Variants in DCAF7 observed in about 807,000 individuals in gnomAD.
The protein encoded by DCAF7 is DDB1- and CUL4-associated factor 7.
In DCAF7, 4 loss-of-function variants were observed where a neutral mutation model predicts 41.2. That is an observed-to-expected ratio of 0.10 (90% CI 0.05 to 0.22). The LOEUF (loss-of-function observed/expected upper bound fraction) is 0.22. Among genes scored for constraint, DCAF7 ranks in the 10% least tolerant of loss-of-function variants. The pLI is 1.00. For missense variants in DCAF7, 131 were observed against 443.2 expected, an observed-to-expected ratio of 0.30 and a Z score of 6.32; for synonymous variants, 143 against 164.2, an observed-to-expected ratio of 0.87 and a Z score of 0.99.
intron 1 of DCAF7, among the ~76,000 whole-genome samples, chr17:63,554,233 G>A (rs754886742): frequency 2.8e-4 from 42 of 152,180 alleles, no homozygotes; most frequent in Admixed American, 2.2e-3. Context: ...TGGTTATTAT[G>A]TTTCTACCTT....
At chr17:63,575,687 G>A (rs1307742218) in intron 1 of DCAF7, among the ~76,000 whole-genome samples, 1 of 151,706 alleles carries the variant, frequency 6.6e-6, no homozygotes, top group Non-Finnish European at 1.5e-5. Context: ...GACTCTGTCT[G>A]AAAAAAAAGA....
chr17:63,579,562 G>T (rs747360953), intron 3 of DCAF7, 114 bp downstream of exon 3: 1 of 755,014 alleles, frequency 1.3e-6, no homozygotes, highest in African/African-American at 1.8e-5. Flanking sequence ...TAGGCTAGGC[G>T]TGGAATGTGG....
rs572453308 is a variant in DCAF7 at position 63,585,327 on chromosome 17, A to C, written c.855A>C (p.Ala285=). Reference sequence around the variant, plus strand: ...ATTCATCCTGCCACATCTGCACTGCAGGTAATCATGGTGGGGAGAAAGAAA... The same window carrying C: ...ATTCATCCTGCCACATCTGCACTGCCGGTAATCATGGTGGGGAGAAAGAAA... ...APHSSCHICT[A]ADDHQALIWD... Residue 285 remains alanine (A), a splice_region_variant and synonymous_variant, in exon 6 of 7, where the codon GCA becomes GCC. Transcript: ENST00000614556. 3.3e-4 allele frequency: 531 copies of C among 1,612,414 alleles called. 5 individuals are homozygous for C. The South Asian group carries it at 5.0e-3, about 15-fold the overall frequency.
chr17:63,582,626 ACT>A (rs1031408753), intron 4 of DCAF7, among the ~76,000 whole-genome samples: 3 of 151,228 alleles, frequency 2.0e-5, no homozygotes, highest in Non-Finnish European at 4.4e-5. Context: ...CAGACACCAC[ACT>A]CAGCTAATTT....
chr17:63,552,892 C>G (rs1481150758), intron 1 of DCAF7, among the ~76,000 whole-genome samples: 1 of 152,160 alleles, frequency 6.6e-6, no homozygotes, highest in African/African-American at 2.4e-5. Flanking sequence ...AACTAATAAC[C>G]CCACTATCAA....
chr17:63,585,042 C>T lies in DCAF7; in HGVS notation c.739-169C>T, dbSNP rs535272591. ...CTCAAGATAGAGACTATCAACTACC[C>T]GTGTCCTTTGTCTTCTTTTCCCTCA... On this transcript the variant is annotated intron_variant, in intron 5 of 6. Coordinates refer to ENST00000614556, the MANE Select transcript of DCAF7 (RefSeq NM_005828.5). Among the ~76,000 whole-genome samples, 147 of 152,304 alleles carry T rather than the reference C, an allele frequency of 9.7e-4. 2 individuals are homozygous for T. The highest frequency in any genetic ancestry group is 3.0e-3 in the African/African-American group (124 of 41,572).
chr17:63,578,657 C>T (rs2033588169), intron 2 of DCAF7, 29 bp downstream of exon 2: 3 of 1,613,464 alleles, frequency 1.9e-6, no homozygotes, highest in Non-Finnish European at 2.5e-6. Context: ...AGCAGCCAGA[C>T]AAGTGGGCTT....
chr17:63,576,671 T>C (rs1218775911), intron 1 of DCAF7, among the ~76,000 whole-genome samples: 1 of 152,148 alleles, frequency 6.6e-6, no homozygotes, highest in Non-Finnish European at 1.5e-5. Flanking sequence ...CCCAGCACTT[T>C]GGGAGGCCAA....
intron 6 of DCAF7, among the ~76,000 whole-genome samples, chr17:63,588,410 T>C (rs1274071936): frequency 6.6e-6 from 1 of 151,308 alleles, no homozygotes; most frequent in African/African-American, 2.4e-5. Context: ...TTGTCCAGGC[T>C]GGTCTTGAAC....
chr17:63,590,585 C>T lies in DCAF7; in HGVS notation c.*1413C>T, dbSNP rs2033724062. 6.6e-6 allele frequency: 1 copy of T among 152,586 alleles called. No individual in the cohort carries two copies. The highest frequency in any genetic ancestry group is 6.6e-5 in the Admixed American group (1 of 15,258). The allele number at this position is 152,586 out of a possible 1,614,324, so 9.5% of individuals were successfully genotyped here. A position where few individuals can be genotyped will look rare whatever the true frequency, so the allele number is the denominator to read the frequency against. ...GTCTTTCTGTTATGTGAATGAGTTC[C>T]ATGGAGGGGCATATGTGTGATTCCA... On this transcript the variant is annotated 3_prime_UTR_variant, in exon 7 of 7. Coordinates refer to ENST00000614556, the MANE Select transcript of DCAF7 (RefSeq NM_005828.5).
At chr17:63,551,227 AT>A (rs1329422137) in intron 1 of DCAF7, among the ~76,000 whole-genome samples, 2 of 151,664 alleles carry the variant, frequency 1.3e-5, no homozygotes. Context: ...AGGCGCTTCT[AT>A]TGGTGGTCGT....
intron 1 of DCAF7, among the ~76,000 whole-genome samples, chr17:63,576,075 G>C (rs1235070757): frequency 2.0e-5 from 3 of 152,188 alleles, no homozygotes; most frequent in African/African-American, 7.2e-5. Context: ...TTTCAATAAA[G>C]GGGTCAAGGT....
intron 4 of DCAF7, among the ~76,000 whole-genome samples, chr17:63,581,562 A>G (rs1040839590): frequency 6.6e-6 from 1 of 152,214 alleles, no homozygotes; most frequent in African/African-American, 2.4e-5. Context: ...GCCTCCCATC[A>G]TCCATTTTCC....
chr17:63,552,467 T>C (rs1441891877), intron 1 of DCAF7: 2 of 152,208 alleles, frequency 1.3e-5, no homozygotes, highest in South Asian at 2.1e-4. Flanking sequence ...GAGATAGAGC[T>C]TTCTTTCCTC....
chr17:63,564,136 T>TACACACACACACACAC (rs369218596), intron 1 of DCAF7, among the ~76,000 whole-genome samples: 3,558 of 147,978 alleles, frequency 0.024, 60 homozygotes, highest in Middle Eastern at 0.048. Context: ...GTTAACTTTA[T>TACACACACACACACAC]ACACACACAC....
At chr17:63,576,458 A>C (rs1166797812) in intron 1 of DCAF7, among the ~76,000 whole-genome samples, 1 of 152,124 alleles carries the variant, frequency 6.6e-6, no homozygotes, top group East Asian at 1.9e-4. Context: ...AAAAGGAAAA[A>C]CAACAACAAA....
rs988388021 is a variant in DCAF7, at chr17:63,590,577, A to C, written c.*1405A>C. Reference sequence around the variant, plus strand: ...CCGCAGGTGTCTTTCTGTTATGTGAATGAGTTCCATGGAGGGGCATATGTG... The same window carrying C: ...CCGCAGGTGTCTTTCTGTTATGTGACTGAGTTCCATGGAGGGGCATATGTG... On this transcript the variant is annotated 3_prime_UTR_variant, in exon 7 of 7. Coordinates refer to ENST00000614556, the MANE Select transcript of DCAF7 (RefSeq NM_005828.5). 6.5e-6 allele frequency: 1 copy of C among 152,680 alleles called. No individual in the cohort carries two copies. The highest frequency in any genetic ancestry group is 2.1e-4 in the South Asian group (1 of 4,822). The allele number at this position is 152,680 out of a possible 1,614,324, so 9.5% of individuals were successfully genotyped here.
chr17:63,589,787 C>T lies in DCAF7; in HGVS notation c.*615C>T, dbSNP rs2033715620. 1.2e-5 allele frequency: 2 copies of T among 164,946 alleles called. No individual in the cohort carries two copies. The highest frequency in any genetic ancestry group is 3.2e-4 in the South Asian group (2 of 6,184). The allele number at this position is 164,946 out of a possible 1,614,324, so 10.2% of individuals were successfully genotyped here. On this transcript the variant is annotated 3_prime_UTR_variant, in exon 7 of 7. Coordinates refer to ENST00000614556, the MANE Select transcript of DCAF7 (RefSeq NM_005828.5). ...CCTGGAGCTGGTACTGGGCCCCTGG[C>T]CCCATGAGCAGTTTGCCTTCTTGAG...
At chr17:63,568,291 G>A (rs568958831) in intron 1 of DCAF7, among the ~76,000 whole-genome samples, 20 of 152,252 alleles carry the variant, frequency 1.3e-4, no homozygotes, top group South Asian at 6.2e-4. Context: ...GTGAGCCACC[G>A]TGCCCAGGTC....
Sources: allele counts gnomAD v4.1 joint callset (sites outside exome capture counted in the v4.1 genomes callset), GRCh38; gene constraint gnomAD v4.1.1; transcripts MANE v1.5; gene names NCBI Gene and HGNC (gene_info 2026-07-23, HGNC 2026-07-21).